The following AP2B1 variants were observed in gnomAD, a reference collection of about 807,000 sequenced individuals.
The protein encoded by AP2B1 is AP-2 complex subunit beta.
In AP2B1, 23 loss-of-function variants were observed where a neutral mutation model predicts 102.0. The observed-to-expected ratio is 0.23, with a 90% CI of 0.16 to 0.32. AP2B1 has a LOEUF of 0.32. Among genes scored for constraint, AP2B1 ranks in the 10% least tolerant of loss-of-function variants. AP2B1 has a pLI of 1.00. For synonymous variants in AP2B1, 381 were observed against 421.2 expected, an observed-to-expected ratio of 0.90 and a Z score of 1.17; for missense variants, 541 against 1,157.4, an observed-to-expected ratio of 0.47 and a Z score of 7.73.
chr17:35,718,312 C>CTGTGTGTGTGTGTG, intron 21 of AP2B1, among the ~76,000 whole-genome samples: 1 of 139,350 alleles, frequency 7.2e-6, no homozygotes. Flanking sequence ...GTTGGAGTAG[C>CTGTGTGTGTGTGTG]TGTGTGTGTG....
At chr17:35,659,519 G>A (rs925348691) in intron 14 of AP2B1, among the ~76,000 whole-genome samples, 1 of 152,162 alleles carries the variant, frequency 6.6e-6, no homozygotes, top group Non-Finnish European at 1.5e-5. Context: ...ATTCCTGCAA[G>A]TATTGTATCA....
intron 18 of AP2B1, among the ~76,000 whole-genome samples, chr17:35,686,284 AATTG>A (rs2075929307): frequency 6.6e-6 from 1 of 152,170 alleles, no homozygotes; most frequent in African/African-American, 2.4e-5. Flanking sequence ...TTAAAAAGAG[AATTG>A]ATTCTCTCTG....
chr17:35,619,216 C>T (rs1233735377), intron 5 of AP2B1, among the ~76,000 whole-genome samples: 1 of 152,176 alleles, frequency 6.6e-6, no homozygotes, highest in African/African-American at 2.4e-5. Flanking sequence ...CTTTTAGTAG[C>T]AGCTACTTCA....
At chr17:35,709,683 A>G (rs1168958799) in intron 19 of AP2B1, among the ~76,000 whole-genome samples, 1 of 152,154 alleles carries the variant, frequency 6.6e-6, no homozygotes, top group Non-Finnish European at 1.5e-5. Flanking sequence ...TAATTTTTAT[A>G]ATTATTTCAT....
intron 5 of AP2B1, among the ~76,000 whole-genome samples, chr17:35,615,522 G>A (rs1459177111): frequency 3.9e-5 from 6 of 151,996 alleles, no homozygotes; most frequent in South Asian, 4.1e-4. Flanking sequence ...AAGAATTTTT[G>A]TCAGAATATA....
At position 35,650,802 on chromosome 17, in the gene AP2B1, G is replaced by A. The variant is rs770709253; in HGVS notation, c.1796+13G>A. ...TTCATCATGGGAGGTAAGAAGGTGT[G>A]AACTGTCTCTGAGTGAGAAATGACT... On this transcript the variant is annotated intron_variant, in intron 13 of 21. Coordinates refer to ENST00000610402, the MANE Select transcript of AP2B1 (RefSeq NM_001030006.2). 4 of 1,612,428 alleles carry A rather than the reference G, an allele frequency of 2.5e-6. No individual in the cohort carries two copies. The East Asian group carries it at 8.9e-5, about 36-fold the overall frequency.
intron 18 of AP2B1, among the ~76,000 whole-genome samples, chr17:35,686,234 A>G (rs1221720879): frequency 6.6e-6 from 1 of 152,198 alleles, no homozygotes; most frequent in Non-Finnish European, 1.5e-5. Flanking sequence ...TCCTACTGGG[A>G]GCCTTTCTTG....
At chr17:35,716,366 T>C (rs1381363954) in intron 20 of AP2B1, among the ~76,000 whole-genome samples, 1 of 152,212 alleles carries the variant, frequency 6.6e-6, no homozygotes, top group Non-Finnish European at 1.5e-5. Context: ...TGGAACGTTA[T>C]GTCCTTTTTG....
At chr17:35,633,624 C>T (rs994350020) in intron 9 of AP2B1, among the ~76,000 whole-genome samples, 2 of 152,156 alleles carry the variant, frequency 1.3e-5, no homozygotes, top group Non-Finnish European at 2.9e-5. Context: ...TCTTCTCCCT[C>T]TTCCTCTTCC....
At chr17:35,644,388 C>CT (rs1338868496) in intron 12 of AP2B1, among the ~76,000 whole-genome samples, 1 of 151,906 alleles carries the variant, frequency 6.6e-6, no homozygotes, top group Admixed American at 6.6e-5. Flanking sequence ...CGAGGCTTGC[C>CT]TTTTTTCAAG....
At chr17:35,701,319 C>G (rs2076235053) in intron 18 of AP2B1, among the ~76,000 whole-genome samples, 1 of 151,910 alleles carries the variant, frequency 6.6e-6, no homozygotes, top group South Asian at 2.1e-4. Context: ...TCATGACCCA[C>G]CAAGCTAGGG....
chr17:35,627,800 A>G, intron 9 of AP2B1, 74 bp downstream of exon 9: 2 of 1,266,036 alleles, frequency 1.6e-6, no homozygotes, highest in Non-Finnish European at 2.2e-6. Flanking sequence ...CTTTAAAATA[A>G]TTTTTAAGTT....
intron 14 of AP2B1, among the ~76,000 whole-genome samples, chr17:35,658,282 C>CTTCTT (rs1555571298): frequency 8.5e-4 from 120 of 141,092 alleles, no homozygotes; most frequent in African/African-American, 2.5e-3. Flanking sequence ...TCTTCTTCTT[C>CTTCTT]TTTTTTTTTT....
chr17:35,650,028 C>T (rs946093936), intron 12 of AP2B1, among the ~76,000 whole-genome samples: 6 of 152,246 alleles, frequency 3.9e-5, no homozygotes, highest in African/African-American at 1.2e-4. Flanking sequence ...CGGCTCACTG[C>T]GACCTCTGCC....
chr17:35,674,601 A>G (rs2075660799), intron 17 of AP2B1, among the ~76,000 whole-genome samples: 1 of 152,214 alleles, frequency 6.6e-6, no homozygotes, highest in African/African-American at 2.4e-5. Flanking sequence ...GCTACTCAGG[A>G]GGCTGAAGCA....
chr17:35,611,050 G>C (rs2073847323), intron 5 of AP2B1, among the ~76,000 whole-genome samples: 1 of 152,172 alleles, frequency 6.6e-6, no homozygotes, highest in Non-Finnish European at 1.5e-5. Flanking sequence ...ATTATAGCCT[G>C]AGTGACAAAG....
At chr17:35,715,821 A>G (rs1348889552) in intron 20 of AP2B1, among the ~76,000 whole-genome samples, 2 of 152,202 alleles carry the variant, frequency 1.3e-5, no homozygotes, top group Non-Finnish European at 2.9e-5. Flanking sequence ...AAGACATTGG[A>G]AATAAAAGGG....
chr17:35,716,318 C>T lies in AP2B1; in HGVS notation c.2627-877C>T, dbSNP rs587604867. 2.2e-4 allele frequency among the ~76,000 whole-genome samples: 34 copies of T among 152,334 alleles called. No individual in the cohort carries two copies. In the South Asian group the frequency reaches 3.7e-3, roughly 17 times the overall value. The stretch of plus-strand genomic sequence containing the variant: ...TCTTAAAGTTTCTCTTTCTCTGATA[C>T]AGCAACATCTCATAAAGAGAGAAAT... On this transcript the variant is annotated intron_variant, in intron 20 of 21. Coordinates refer to ENST00000610402, the MANE Select transcript of AP2B1 (RefSeq NM_001030006.2).
intron 2 of AP2B1, among the ~76,000 whole-genome samples, chr17:35,596,578 G>A (rs1456238633): frequency 2.7e-5 from 4 of 150,008 alleles, no homozygotes; most frequent in Middle Eastern, 3.2e-3. Context: ...CTCGGGCGCC[G>A]TCATCCCGCG....
Sources: allele counts gnomAD v4.1 joint callset (sites outside exome capture counted in the v4.1 genomes callset), GRCh38; gene constraint gnomAD v4.1.1; transcripts MANE v1.5; gene names NCBI Gene and HGNC (gene_info 2026-07-23, HGNC 2026-07-21).